Variants in UST observed in about 807,000 individuals in gnomAD.
UST encodes uronyl 2-sulfotransferase.
In UST, 21 loss-of-function variants were observed where a neutral mutation model predicts 45.6. That is an observed-to-expected ratio of 0.46 (90% confidence interval 0.33 to 0.66). The LOEUF (loss-of-function observed/expected upper bound fraction) is 0.66, where lower values mean the gene tolerates loss of function less well. Among genes scored for constraint, UST ranks in the 30% least tolerant of loss-of-function variants. UST has a pLI of 0.02. For synonymous variants in UST, 215 were observed against 200.6 expected (o/e 1.07, Z -0.61); for missense variants, 463 against 512.4 (o/e 0.90, Z 0.93).
At chr6:148,774,271 TA>T (rs1469483689) in intron 1 of UST, among the ~76,000 whole-genome samples, 2 of 30,816 alleles carry the variant, frequency 6.5e-5, no homozygotes, top group East Asian at 7.8e-4. Flanking sequence ...AAGGTTATTT[TA>T]TATATATATA....
At chr6:148,773,192 GCT>G (rs1426706688) in intron 1 of UST, among the ~76,000 whole-genome samples, 4 of 152,114 alleles carry the variant, frequency 2.6e-5, no homozygotes, top group Non-Finnish European at 4.4e-5. Context: ...AGGTCTGGTG[GCT>G]CACGCCTGTA....
intron 5 of UST, among the ~76,000 whole-genome samples, chr6:148,978,839 A>T (rs1211178957): frequency 9.2e-5 from 14 of 151,686 alleles, no homozygotes; most frequent in Admixed American, 9.2e-4. Flanking sequence ...TAAGGTAAAA[A>T]TTTTTTTAAA....
intron 7 of UST, among the ~76,000 whole-genome samples, chr6:149,071,181 C>T (rs1253332252): frequency 1.3e-5 from 2 of 151,996 alleles, no homozygotes; most frequent in Admixed American, 1.3e-4. Flanking sequence ...ATGAACCATC[C>T]CCACCTGTCC....
chr6:148,829,837 C>T (rs1220965743), intron 1 of UST, among the ~76,000 whole-genome samples: 3 of 152,174 alleles, frequency 2.0e-5, no homozygotes, highest in Non-Finnish European at 2.9e-5. Flanking sequence ...TATTTCTCTA[C>T]TTGCTTTGGT....
chr6:148,882,792 A>G (rs1013519563), intron 1 of UST, among the ~76,000 whole-genome samples: 1 of 152,206 alleles, frequency 6.6e-6, no homozygotes, highest in African/African-American at 2.4e-5. Context: ...AGATAAAATG[A>G]TCTTTACAAA....
At chr6:148,955,191 T>G (rs556252573) in intron 4 of UST, among the ~76,000 whole-genome samples, 1 of 152,196 alleles carries the variant, frequency 6.6e-6, no homozygotes, top group African/African-American at 2.4e-5. Flanking sequence ...CATCTGCTAG[T>G]TAGTGCTGAC....
At chr6:148,936,541 A>G (rs1041241191) in intron 2 of UST, among the ~76,000 whole-genome samples, 2 of 146,252 alleles carry the variant, frequency 1.4e-5, no homozygotes, top group Non-Finnish European at 3.0e-5. Flanking sequence ...AACCTAGGAC[A>G]GGGTCAGTCC....
intron 1 of UST, among the ~76,000 whole-genome samples, chr6:148,795,704 A>G (rs1192248355): frequency 3.3e-5 from 5 of 152,086 alleles, no homozygotes; most frequent in African/African-American, 1.2e-4. Context: ...AAAATCTTCC[A>G]TCTTTGCTGA....
rs1405239415 is a variant in UST at position 149,076,762 on chromosome 6, G to A, written c.*2646G>A. 1 of 152,496 alleles carries A rather than the reference G, an allele frequency of 6.6e-6. No individual in the cohort carries two copies. Among genetic ancestry groups the A allele is most frequent in the Non-Finnish European group, 1.5e-5 (1 of 68,018 alleles). 9.4% of individuals were successfully genotyped at this position (152,496 alleles called of 1,614,324 possible). A position where few individuals can be genotyped will look rare whatever the true frequency, so the allele number is the denominator to read the frequency against. ...ACATTCCAAGGTTTTAGTTACTCAG[G>A]AAGGAGTTAATTAAAATGATTTTAT... On this transcript the variant is annotated 3_prime_UTR_variant, in exon 8 of 8. Transcript: ENST00000367463.
chr6:148,751,993 T>A (rs1776001429), intron 1 of UST, among the ~76,000 whole-genome samples: 1 of 152,238 alleles, frequency 6.6e-6, no homozygotes, highest in Non-Finnish European at 1.5e-5. Flanking sequence ...ATATGTGATT[T>A]AGACTTTATG....
chr6:149,063,511 A>G (rs1049775920), intron 7 of UST, among the ~76,000 whole-genome samples: 2 of 152,222 alleles, frequency 1.3e-5, no homozygotes, highest in African/African-American at 4.8e-5. Flanking sequence ...CCCAAAAGGC[A>G]ACCAAACCAC....
intron 1 of UST, among the ~76,000 whole-genome samples, chr6:148,847,715 C>T (rs1011886212): frequency 2.0e-5 from 3 of 151,968 alleles, no homozygotes; most frequent in Non-Finnish European, 4.4e-5. Context: ...TTGTTTTGAC[C>T]CAAAGAGAAT....
intron 7 of UST, among the ~76,000 whole-genome samples, chr6:149,036,523 G>T (rs184272475): frequency 7.4e-4 from 113 of 152,282 alleles, no homozygotes; most frequent in African/African-American, 2.6e-3. Flanking sequence ...CAAAGGACAG[G>T]CATTGAAGGC....
chr6:149,041,295 C>T (rs772848804), intron 7 of UST, among the ~76,000 whole-genome samples: 11 of 152,218 alleles, frequency 7.2e-5, no homozygotes, highest in Non-Finnish European at 1.5e-4. Context: ...CCTGCTGGCT[C>T]ACTAGTGGGC....
At chr6:149,065,234 G>A (rs1000078274) in intron 7 of UST, among the ~76,000 whole-genome samples, 1 of 151,840 alleles carries the variant, frequency 6.6e-6, no homozygotes, top group Non-Finnish European at 1.5e-5. Context: ...ACAATTATTT[G>A]AAAAAAAATC....
At chr6:148,818,418 A>G (rs150407069) in intron 1 of UST, among the ~76,000 whole-genome samples, 203 of 152,304 alleles carry the variant, frequency 1.3e-3, no homozygotes, top group African/African-American at 4.5e-3. Flanking sequence ...GGGGTAAAAC[A>G]CAGGTCTTCA....
intron 7 of UST, among the ~76,000 whole-genome samples, chr6:149,071,973 T>C (rs1249253102): frequency 6.6e-6 from 1 of 152,124 alleles, no homozygotes; most frequent in Non-Finnish European, 1.5e-5. Flanking sequence ...ATTAGGGAAA[T>C]GCAAATCAAA....
rs188017840 is a variant in UST at position 149,059,004 on chromosome 6, A to G, written c.938-14829A>G. On this transcript the variant is annotated intron_variant, in intron 7 of 7. Coordinates refer to ENST00000367463, the MANE Select transcript of UST (RefSeq NM_005715.3). ...TTCAAACAAATATGTCAGCTTTTTA[A>G]TGGTCTGGGCCATGATGCCGAACTT... is the stretch of plus-strand genomic sequence containing the variant. 1.7e-4 allele frequency among the ~76,000 whole-genome samples: 26 copies of G among 152,280 alleles called. No homozygotes were observed. The East Asian group carries it at 3.3e-3, about 19-fold the overall frequency.
intron 1 of UST, among the ~76,000 whole-genome samples, chr6:148,776,949 C>A (rs1230271795): frequency 6.6e-6 from 1 of 152,160 alleles, no homozygotes; most frequent in Admixed American, 6.5e-5. Context: ...GGTCCCTTGG[C>A]CTTGTCCCTG....
Sources: allele counts gnomAD v4.1 joint callset (sites outside exome capture counted in the v4.1 genomes callset), GRCh38; gene constraint gnomAD v4.1.1; transcripts MANE v1.5; gene names NCBI Gene and HGNC (gene_info 2026-07-23, HGNC 2026-07-21).